GNAI1: variants seen among roughly 807,000 people sequenced by gnomAD.
GNAI1 encodes guanine nucleotide-binding protein G(i) subunit alpha-1.
Under a neutral mutation model 38.9 loss-of-function variants are expected in GNAI1, and 11 were observed. The observed-to-expected ratio is 0.28, with a 90% CI of 0.18 to 0.47. The LOEUF (loss-of-function observed/expected upper bound fraction) is 0.47. GNAI1 is among the 20% of genes least tolerant of loss of function. The pLI is 0.99. For synonymous variants in GNAI1, 166 were observed against 145.1 expected (o/e 1.14, Z -1.04); for missense variants, 317 against 436.9 (o/e 0.73, Z 2.45).
Position 80,224,940 on chromosome 7 carries a change from T to C in GNAI1, c.*7447T>C, listed in dbSNP as rs767957545. On this transcript the variant is annotated 3_prime_UTR_variant, in exon 8 of 8. Transcript: ENST00000649796. ...CTCATGTGTCTTTGCATTATATTTG[T>C]ATTTGGGAAATGAAATGCTTTATTT... 1.3e-5 allele frequency among the ~76,000 whole-genome samples: 2 copies of C among 152,240 alleles called. No homozygotes were observed. Among genetic ancestry groups the C allele is most frequent in the Non-Finnish European group, 2.9e-5 (2 of 68,034 alleles).
At chr7:80,206,735 A>G (rs1221136388) in intron 5 of GNAI1, among the ~76,000 whole-genome samples, 1 of 152,018 alleles carries the variant, frequency 6.6e-6, no homozygotes, top group Non-Finnish European at 1.5e-5. Context: ...GACCCCCCAT[A>G]TATGCTTGAA....
In GNAI1 at chr7:80,219,027, T is replaced by TTTGTG. The variant is rs1554353980; in HGVS notation, c.*1535_*1536insTGTGT. ...GTGTTGTCACTGGGTTGAAGTATAT[T>TTTGTG]TGTGTGTGTGTGTGTGTGTGTGTGT... On this transcript the variant is annotated 3_prime_UTR_variant, in exon 8 of 8. Coordinates refer to ENST00000649796, the MANE Select transcript of GNAI1 (RefSeq NM_002069.6). 6.9e-6 allele frequency: 1 copy of TTTGTG among 145,836 alleles called. No homozygotes were observed. Among genetic ancestry groups the TTTGTG allele is most frequent in the Non-Finnish European group, 1.5e-5 (1 of 66,634 alleles). 9.0% of individuals were successfully genotyped at this position (145,836 alleles called of 1,614,324 possible).
chr7:80,168,251 C>T (rs1249643599), intron 1 of GNAI1, among the ~76,000 whole-genome samples: 3 of 152,072 alleles, frequency 2.0e-5, no homozygotes, highest in South Asian at 2.1e-4. Flanking sequence ...CTCATTTACT[C>T]GGTTTTTAAA....
At chr7:80,147,357 G>A (rs1294945009) in intron 1 of GNAI1, among the ~76,000 whole-genome samples, 1 of 144,524 alleles carries the variant, frequency 6.9e-6, no homozygotes, top group African/African-American at 2.6e-5. Context: ...CCTTCATGAT[G>A]AGATTGGTAT....
At chr7:80,149,990 A>G (rs926614947) in intron 1 of GNAI1, among the ~76,000 whole-genome samples, 2 of 152,198 alleles carry the variant, frequency 1.3e-5, no homozygotes, top group Admixed American at 1.3e-4. Flanking sequence ...CATACCATCT[A>G]TATACCACCT....
In GNAI1 at chr7:80,184,477, A is replaced by G. The variant is rs927163553; in HGVS notation, c.119-4474A>G. 2.0e-5 allele frequency among the ~76,000 whole-genome samples: 3 copies of G among 152,104 alleles called. No homozygotes were observed. The East Asian group carries it at 5.8e-4, about 29-fold the overall frequency. On this transcript the variant is annotated intron_variant, in intron 1 of 7. Transcript: ENST00000649796. ...GCTTACTGGAGTTGTGCCCATACTC[A>G]CTTGAGGCATTCTTCCCTTACCAGT...
intron 6 of GNAI1, 54 bp from the exon 7 acceptor site, chr7:80,212,662 T>C (rs1222045013): frequency 4.7e-6 from 5 of 1,068,656 alleles, no homozygotes; most frequent in Non-Finnish European, 6.5e-6. Flanking sequence ...TTTAAAATAG[T>C]CCTCAAAAAT....
At chr7:80,141,952 T>C (rs1026713263) in intron 1 of GNAI1, among the ~76,000 whole-genome samples, 1 of 152,178 alleles carries the variant, frequency 6.6e-6, no homozygotes, top group Non-Finnish European at 1.5e-5. Context: ...CCCATCCAAG[T>C]CCTCATCAGC....
At chr7:80,141,352 G>C (rs1467771147) in intron 1 of GNAI1, among the ~76,000 whole-genome samples, 1 of 152,120 alleles carries the variant, frequency 6.6e-6, no homozygotes. Flanking sequence ...TGAGATTCTG[G>C]GTGTAATCCA....
chr7:80,207,738 A>G (rs1788799988), intron 5 of GNAI1, among the ~76,000 whole-genome samples: 1 of 152,124 alleles, frequency 6.6e-6, no homozygotes, highest in East Asian at 1.9e-4. Context: ...ATTCTGTTTA[A>G]TTTTAACTGC....
chr7:80,167,416 T>C (rs1191817382), intron 1 of GNAI1, among the ~76,000 whole-genome samples: 4 of 152,208 alleles, frequency 2.6e-5, no homozygotes, highest in Non-Finnish European at 5.9e-5. Context: ...GAAAAGATTT[T>C]CGTATTTTAC....
rs2115728982 is a variant in GNAI1 at position 80,217,919 on chromosome 7, C to G, written c.*426C>G. 6.5e-6 allele frequency: 1 copy of G among 152,738 alleles called. No homozygotes were observed. The highest frequency in any genetic ancestry group is 1.9e-4 in the East Asian group (1 of 5,168). The allele number at this position is 152,738 out of a possible 1,614,324, so 9.5% of individuals were successfully genotyped here. ...TATTACTACGTTTGCCAGTTTTAAA[C>G]AGCTTTATTTATGTTCATGTCCTGT... is the stretch of plus-strand genomic sequence containing the variant. On this transcript the variant is annotated 3_prime_UTR_variant, in exon 8 of 8. Coordinates refer to ENST00000649796, the MANE Select transcript of GNAI1 (RefSeq NM_002069.6).
chr7:80,205,993 G>T (rs1004044600), intron 5 of GNAI1, among the ~76,000 whole-genome samples: 1 of 151,960 alleles, frequency 6.6e-6, no homozygotes, highest in Admixed American at 6.6e-5. Context: ...GGAAAAAAAG[G>T]TTCCTAAGTG....
chr7:80,191,225 C>G (rs1007813704), intron 3 of GNAI1, among the ~76,000 whole-genome samples: 1 of 152,060 alleles, frequency 6.6e-6, no homozygotes, highest in Non-Finnish European at 1.5e-5. Flanking sequence ...GCTTTCAAAA[C>G]TACTGGGCTT....
intron 1 of GNAI1, chr7:80,187,172 C>G (rs1180179964): frequency 6.7e-6 from 1 of 148,244 alleles, no homozygotes; most frequent in African/African-American, 2.5e-5. Flanking sequence ...TTTTCAGATG[C>G]CTCTGATGAT....
At chr7:80,151,931 A>G (rs1205953298) in intron 1 of GNAI1, among the ~76,000 whole-genome samples, 2 of 152,304 alleles carry the variant, frequency 1.3e-5, no homozygotes, top group East Asian at 3.9e-4. Flanking sequence ...TCAAGTTCAG[A>G]GCTGTTAGTA....
At chr7:80,205,832 T>G (rs1788765288) in intron 5 of GNAI1, among the ~76,000 whole-genome samples, 2 of 152,132 alleles carry the variant, frequency 1.3e-5, no homozygotes, top group African/African-American at 4.8e-5. Context: ...TGAAATTATT[T>G]TGTCTTTTTT....
chr7:80,206,525 A>G (rs549769845), intron 5 of GNAI1, among the ~76,000 whole-genome samples: 1 of 152,034 alleles, frequency 6.6e-6, no homozygotes, highest in Non-Finnish European at 1.5e-5. Flanking sequence ...ATTTTATCTT[A>G]AAACTAAGAA....
chr7:80,211,096 A>G lies in GNAI1; in HGVS notation c.718A>G (p.Met240Val), dbSNP rs1788866072. 1.2e-6 allele frequency: 2 copies of G among 1,613,164 alleles called. No homozygotes were observed. Among genetic ancestry groups the G allele is most frequent in the Non-Finnish European group, 8.5e-7 (1 of 1,179,386 alleles). The change falls in exon 6 of 8, where the codon ATG (methionine) becomes GTG (valine). Residue 240 changes from methionine (M) to valine (V), a missense_variant and splice_region_variant. This residue lies in a region of GNAI1 where 158 missense variants were observed against 234.7 expected (regional missense o/e 0.67). Coordinates refer to ENST00000649796, the MANE Select transcript of GNAI1 (RefSeq NM_002069.6). The stretch of plus-strand genomic sequence containing the variant: ...CCTGGTTCTAGCTGAAGATGAAGAA[A>G]TGGCAAGTAGAACTACTTTAAGAGT... Reference protein sequence around the residue: ...YDLVLAEDEEMNRMHESMKLF... With the variant: ...YDLVLAEDEEVNRMHESMKLF...
Sources: allele counts gnomAD v4.1 joint callset (sites outside exome capture counted in the v4.1 genomes callset), GRCh38; gene constraint gnomAD v4.1.1; regional missense constraint gnomAD v4.1.1; transcripts MANE v1.5; gene names NCBI Gene and HGNC (gene_info 2026-07-23, HGNC 2026-07-21).